UGT3A2: variants seen among roughly 807,000 people sequenced by gnomAD.
UGT3A2 encodes the protein UDP-glycosyltransferase 3A2.
Under a neutral mutation model 39.8 loss-of-function variants are expected in UGT3A2, and 32 were observed. The ratio of observed to expected loss-of-function variants is 0.80; its 90% confidence interval spans 0.61 to 1.08. The LOEUF is 1.08. UGT3A2 is among the 50% of genes least tolerant of loss of function. The pLI is 0.00. For synonymous variants in UGT3A2, 241 were observed against 230.7 expected (o/e 1.04, Z -0.40); for missense variants, 611 against 637.1 (o/e 0.96, Z 0.44).
intron 4 of UGT3A2, among the ~76,000 whole-genome samples, chr5:36,046,142 A>G (rs1742159179): frequency 6.6e-6 from 1 of 152,232 alleles, no homozygotes; most frequent in African/African-American, 2.4e-5. Context: ...GGAGAAAGCA[A>G]ACTCGCACAT....
chr5:36,045,512 G>A (rs369364396), intron 4 of UGT3A2, among the ~76,000 whole-genome samples: 54 of 151,446 alleles, frequency 3.6e-4, no homozygotes, highest in African/African-American at 1.3e-3. Context: ...AGAATCGCTT[G>A]AATCCAGGAG....
Position 36,039,529 on chromosome 5 carries a change from G to A in UGT3A2, c.1023C>T (p.His341=). 1.2e-6 allele frequency: 2 copies of A among 1,614,170 alleles called. No individual in the cohort carries two copies. Among genetic ancestry groups the A allele is most frequent in the Non-Finnish European group, 1.7e-6 (2 of 1,180,026 alleles). Residue 341 remains histidine (H), a synonymous_variant, in exon 5 of 7, where the codon CAC becomes CAT. Transcript: ENST00000282507. The part of the protein sequence containing the change: ...CQCSHWPKDV[H]LAANVKIVDW... Reference sequence around the variant, plus strand: ...CCACAATTTTCACATTTGCAGCCAGGTGGACATCTTTGGGCCAATGAGAAC... The same window carrying A: ...CCACAATTTTCACATTTGCAGCCAGATGGACATCTTTGGGCCAATGAGAAC...
chr5:36,049,962 G>A (rs756992301), intron 3 of UGT3A2, among the ~76,000 whole-genome samples: 4 of 152,074 alleles, frequency 2.6e-5, no homozygotes, highest in East Asian at 1.9e-4. Context: ...AATCTCAGCC[G>A]AAAATGAGAA....
rs1430981084 is a variant in UGT3A2 at position 36,035,089 on chromosome 5, GC to G, written c.*608del. 6.5e-6 allele frequency: 1 copy of G among 153,980 alleles called. No homozygotes were observed. The highest frequency in any genetic ancestry group is 6.4e-5 in the Admixed American group (1 of 15,646). The allele number at this position is 153,980 out of a possible 1,614,324, so 9.5% of individuals were successfully genotyped here. A position where few individuals can be genotyped will look rare whatever the true frequency, so the allele number is the denominator to read the frequency against. On this transcript the variant is annotated 3_prime_UTR_variant, in exon 7 of 7. Coordinates refer to ENST00000282507, the MANE Select transcript of UGT3A2 (RefSeq NM_174914.4). ...AAATCTGGAAACCTACAGTCTCCAA[GC>G]CTGCTCAGCCAAGAAGGAGCTCACT...
intron 3 of UGT3A2, among the ~76,000 whole-genome samples, chr5:36,051,392 C>G (rs192911618): frequency 1.7e-3 from 257 of 152,064 alleles, no homozygotes; most frequent in African/African-American, 6.1e-3. Context: ...TTCTACAAAC[C>G]CAATGTTCAT....
At chr5:36,040,447 A>T (rs1041472587) in intron 4 of UGT3A2, among the ~76,000 whole-genome samples, 1 of 152,204 alleles carries the variant, frequency 6.6e-6, no homozygotes. Context: ...TGGTTTTAAC[A>T]TCATACCGAG....
intron 4 of UGT3A2, among the ~76,000 whole-genome samples, chr5:36,042,351 C>T (rs1742036467): frequency 6.6e-6 from 1 of 151,908 alleles, no homozygotes; most frequent in South Asian, 2.1e-4. Flanking sequence ...TACTTGCAAG[C>T]CTTGTAGTAA....
Position 36,035,910 on chromosome 5 carries a change from G to A in UGT3A2, c.1360C>T (p.Arg454Trp), listed in dbSNP as rs573115180. ...LRSHPLSPTQRLVGWIDHVLQ... is the reference protein window; with the variant it reads ...LRSHPLSPTQWLVGWIDHVLQ... ...ACGTGGTCAATCCAGCCCACCAGCC[G>A]CTGTGTGGGGCTGAGCGGGTGGGAG... is the stretch of plus-strand genomic sequence containing the variant. Residue 454 changes from arginine to tryptophan, a missense_variant, in exon 7 of 7, where the codon CGG becomes TGG. Arg to Trp is a moderately radical substitution (Grantham distance 101). Transcript: ENST00000282507. The A allele has an allele frequency of 1.1e-5, 17 of 1,614,180 alleles. No homozygotes were observed. Among genetic ancestry groups the A allele is most frequent in the Admixed American group, 5.0e-5 (3 of 60,028 alleles).
At chr5:36,065,849 C>G (rs185673970) in intron 1 of UGT3A2, among the ~76,000 whole-genome samples, 33 of 152,204 alleles carry the variant, frequency 2.2e-4, no homozygotes, top group African/African-American at 7.7e-4. Context: ...CCCAGCCCTA[C>G]GAGCCCTAAT....
chr5:36,064,252 G>A lies in UGT3A2; in HGVS notation c.193C>T (p.Pro65Ser), dbSNP rs755622666. Residue 65 changes from proline (P) to serine (S), a missense_variant, in exon 2 of 7, where the codon CCA (proline) becomes TCA (serine). Physicochemically the swap from Pro to Ser is moderately conservative, Grantham distance 74. Transcript: ENST00000282507. ...MLNHKRGPFM[P>S]DFKKEEKSYQ... Reference sequence around the variant, plus strand: ...CAAGAAAAGTGAGAAAAGATACCTGGCATAAAAGGACCTCTTTTGTGGTTA... The same window carrying A: ...CAAGAAAAGTGAGAAAAGATACCTGACATAAAAGGACCTCTTTTGTGGTTA... 28 of 1,613,156 alleles carry A rather than the reference G, an allele frequency of 1.7e-5. No individual in the cohort carries two copies. The highest frequency in any genetic ancestry group is 2.3e-5 in the Non-Finnish European group (27 of 1,179,320).
intron 2 of UGT3A2, among the ~76,000 whole-genome samples, chr5:36,062,008 T>A (rs969195880): frequency 2.6e-5 from 4 of 151,834 alleles, no homozygotes; most frequent in Admixed American, 2.0e-4. Flanking sequence ...ATGAGCATTT[T>A]TTCATGTGTT....
At chr5:36,058,039 A>AC (rs1742569391) in intron 2 of UGT3A2, among the ~76,000 whole-genome samples, 1 of 152,226 alleles carries the variant, frequency 6.6e-6, no homozygotes, top group South Asian at 2.1e-4. Context: ...TGTAAAAGAT[A>AC]TTAAAATGGT....
At chr5:36,060,093 A>G (rs1742640389) in intron 2 of UGT3A2, among the ~76,000 whole-genome samples, 1 of 152,210 alleles carries the variant, frequency 6.6e-6, no homozygotes, top group Non-Finnish European at 1.5e-5. Flanking sequence ...GAAGCTGAGA[A>G]ACTGTTAGAG....
rs900545981 is a variant in UGT3A2, at chr5:36,035,591, G to A, written c.*107C>T. The A allele has an allele frequency of 3.8e-5, 55 of 1,455,180 alleles. No homozygotes were observed. The highest frequency in any genetic ancestry group is 3.6e-4 in the African/African-American group (25 of 70,018). The allele number at this position is 1,455,180 out of a possible 1,614,324, so 90.1% of individuals were successfully genotyped here. A position where few individuals can be genotyped will look rare whatever the true frequency, so the allele number is the denominator to read the frequency against. On this transcript the variant is annotated 3_prime_UTR_variant, in exon 7 of 7. Transcript: ENST00000282507. ...TTTTTCCTGTTCTTCAAGAAAACAG[G>A]AGATAACTAGAAGGACTAGAGAATG...
chr5:36,041,887 T>TG (rs1053411208), intron 4 of UGT3A2, among the ~76,000 whole-genome samples: 5 of 152,154 alleles, frequency 3.3e-5, no homozygotes, highest in African/African-American at 1.2e-4. Context: ...CAGGAAAACA[T>TG]GACTTCACCC....
In UGT3A2 at chr5:36,061,833, T is replaced by C. The variant is rs933541788; in HGVS notation, c.196+2416A>G. Reference sequence around the variant, plus strand: ...ATCGCCACACTGACTTCCACAGTGGTTGAACTAGTTTACAGTCCCACCAAC... The same window carrying C: ...ATCGCCACACTGACTTCCACAGTGGCTGAACTAGTTTACAGTCCCACCAAC... On this transcript the variant is annotated intron_variant, in intron 2 of 6. Coordinates refer to ENST00000282507, the MANE Select transcript of UGT3A2 (RefSeq NM_174914.4). 3.5e-3 allele frequency among the ~76,000 whole-genome samples: 527 copies of C among 152,140 alleles called. 3 individuals are homozygous for C. Among genetic ancestry groups the C allele is most frequent in the African/African-American group, 0.012 (504 of 41,432 alleles).
chr5:36,061,698 C>T (rs1012595928), intron 2 of UGT3A2, among the ~76,000 whole-genome samples: 1 of 150,530 alleles, frequency 6.6e-6, no homozygotes, highest in Admixed American at 6.6e-5. Context: ...CTGCAATAAA[C>T]ATACATGTGC....
chr5:36,064,185 T>C (rs938585504), intron 2 of UGT3A2, 64 bp downstream of exon 2: 65 of 1,429,466 alleles, frequency 4.5e-5, no homozygotes, highest in Non-Finnish European at 6.1e-5. Flanking sequence ...TAAGCCTTTC[T>C]ATGCAAACAG....
intron 2 of UGT3A2, among the ~76,000 whole-genome samples, chr5:36,061,964 G>A (rs1742719114): frequency 3.3e-5 from 5 of 150,676 alleles, no homozygotes; most frequent in Admixed American, 3.3e-4. Flanking sequence ...TCTCATTGTG[G>A]TTTTGATTTG....
Sources: allele counts gnomAD v4.1 joint callset (sites outside exome capture counted in the v4.1 genomes callset), GRCh38; gene constraint gnomAD v4.1.1; transcripts MANE v1.5; gene names NCBI Gene and HGNC (gene_info 2026-07-23, HGNC 2026-07-21).